Variants in GABRB1 observed in about 807,000 individuals in gnomAD.
The protein encoded by GABRB1 is gamma-aminobutyric acid receptor subunit beta-1.
In GABRB1, 17 loss-of-function variants were observed where a neutral mutation model predicts 51.6. The ratio of observed to expected loss-of-function variants is 0.33; its 90% CI spans 0.23 to 0.49. The LOEUF is 0.49. GABRB1 is among the 20% of genes least tolerant of loss of function. The probability of loss-of-function intolerance (pLI) is 0.99; values close to 1 mark genes in which losing one functional copy is unlikely to be tolerated. For missense variants in GABRB1, 410 were observed against 600.6 expected, an observed-to-expected ratio of 0.68 and a Z score of 3.32; for synonymous variants, 247 against 218.9, an observed-to-expected ratio of 1.13 and a Z score of -1.14.
intron 3 of GABRB1, among the ~76,000 whole-genome samples, chr4:47,068,739 T>A (rs986892923): frequency 1.3e-5 from 2 of 152,096 alleles, no homozygotes; most frequent in Non-Finnish European, 2.9e-5. Context: ...ACATAACAGA[T>A]ATAATAATCA....
rs1717945132 is a variant in GABRB1, at chr4:47,161,239, T to G, written c.241-10T>G. On this transcript the variant is annotated splice_polypyrimidine_tract_variant and intron_variant, in intron 3 of 8. Transcript: ENST00000295454. ...ATTCTTTTTTTTTTTTTGCTTTCTT[T>G]ATTTCACAGGATTATACACTCACCA... The G allele has an allele frequency of 6.5e-7, 1 of 1,542,130 alleles. No individual in the cohort carries two copies.
Position 47,131,397 on chromosome 4 carries a change from A to G in GABRB1, c.241-29852A>G, listed in dbSNP as rs149980111. The stretch of plus-strand genomic sequence containing the variant: ...GGTCTCGAACTCCTGACCTCAGATG[A>G]TCTGCCCGCCTCGGCCTCCCAAAGT... On this transcript the variant is annotated intron_variant, in intron 3 of 8. Transcript: ENST00000295454. Among the ~76,000 whole-genome samples the G allele has an allele frequency of 9.1e-3, 1,379 of 152,192 alleles. 45 individuals carry two copies. Among genetic ancestry groups the G allele is most frequent in the Admixed American group, 0.052 (788 of 15,288 alleles).
intron 5 of GABRB1, among the ~76,000 whole-genome samples, chr4:47,339,029 A>G (rs1658010622): frequency 6.6e-6 from 1 of 152,216 alleles, no homozygotes. Flanking sequence ...AAATCTATTT[A>G]TTCACCCACA....
intron 5 of GABRB1, among the ~76,000 whole-genome samples, chr4:47,358,259 C>G (rs1001063301): frequency 6.6e-6 from 1 of 151,704 alleles, no homozygotes; most frequent in Non-Finnish European, 1.5e-5. Context: ...GTAGAGTTCT[C>G]CATAGGAACA....
chr4:47,015,275 G>T lies in GABRB1; in HGVS notation c.-19-16639G>T, dbSNP rs146804137. Among the ~76,000 whole-genome samples, 5 of 152,264 alleles carry T rather than the reference G, an allele frequency of 3.3e-5. No homozygotes were observed. In the East Asian group the frequency reaches 9.6e-4, roughly 29 times the overall value. ...AGAAAAGGCAGAGATTTAAGAGGACGTATAATAATATAGAATAACAATATG... is the reference window on the plus strand; with the variant it reads ...AGAAAAGGCAGAGATTTAAGAGGACTTATAATAATATAGAATAACAATATG... On this transcript the variant is annotated intron_variant, in intron 1 of 3. Transcript: ENST00000513567.
At chr4:47,256,781 C>T (rs774814075) in intron 4 of GABRB1, among the ~76,000 whole-genome samples, 1 of 152,138 alleles carries the variant, frequency 6.6e-6, no homozygotes, top group Non-Finnish European at 1.5e-5. Context: ...GAAGTCCATA[C>T]CCATGATCTT....
At position 47,195,413 on chromosome 4, in the gene GABRB1, T is replaced by C. The variant is rs181883283; in HGVS notation, c.461+33944T>C. Among the ~76,000 whole-genome samples the C allele has an allele frequency of 9.8e-3, 1,028 of 105,168 alleles. 14 individuals are homozygous for C. The highest frequency in any genetic ancestry group is 0.037 in the African/African-American group (966 of 25,896). 69.0% of individuals were successfully genotyped at this position (105,168 alleles called of 152,430 possible). ...GATAGATGATAGATAGATAGATAGA[T>C]AGATAGATAGATAGATAGATAGATA... On this transcript the variant is annotated intron_variant, in intron 4 of 8. Transcript: ENST00000295454.
chr4:47,115,645 T>A (rs1224845382), intron 3 of GABRB1, among the ~76,000 whole-genome samples: 1 of 152,120 alleles, frequency 6.6e-6, no homozygotes. Flanking sequence ...GCTCTTCTGC[T>A]TTTTTAATAC....
intron 7 of GABRB1, among the ~76,000 whole-genome samples, chr4:47,404,851 A>C (rs2110053229): frequency 6.6e-6 from 1 of 152,344 alleles, no homozygotes; most frequent in Admixed American, 6.5e-5. Flanking sequence ...GCAGAGAATA[A>C]TAACTAGTAA....
intron 5 of GABRB1, among the ~76,000 whole-genome samples, chr4:47,391,270 T>C (rs1015177354): frequency 4.6e-5 from 7 of 152,172 alleles, no homozygotes; most frequent in African/African-American, 1.7e-4. Flanking sequence ...GCCTAATGGG[T>C]TTTAGTTAAA....
chr4:47,104,686 A>C (rs567994833), intron 3 of GABRB1, among the ~76,000 whole-genome samples: 1 of 151,826 alleles, frequency 6.6e-6, no homozygotes, highest in Non-Finnish European at 1.5e-5. Flanking sequence ...AAGTTTACTG[A>C]TTCTGTTTTT....
At chr4:47,423,267 T>G (rs1178513627) in intron 8 of GABRB1, among the ~76,000 whole-genome samples, 1 of 152,230 alleles carries the variant, frequency 6.6e-6, no homozygotes, top group Non-Finnish European at 1.5e-5. Flanking sequence ...TCAGGTTTTC[T>G]GGTAAAGGGG....
intron 5 of GABRB1, among the ~76,000 whole-genome samples, chr4:47,393,572 A>G (rs1419090329): frequency 6.6e-6 from 1 of 152,196 alleles, no homozygotes; most frequent in Admixed American, 6.5e-5. Context: ...GTTCATATGG[A>G]TTCAACTTTG....
At chr4:47,272,652 CCT>C (rs1722917741) in intron 4 of GABRB1, among the ~76,000 whole-genome samples, 1 of 151,970 alleles carries the variant, frequency 6.6e-6, no homozygotes, top group African/African-American at 2.4e-5. Context: ...TTTAGGTATT[CCT>C]CTGTCTCTTA....
chr4:47,130,375 G>GTGTGTGTGTA (rs1284041714), intron 3 of GABRB1, among the ~76,000 whole-genome samples: 11 of 83,118 alleles, frequency 1.3e-4, no homozygotes, highest in African/African-American at 4.6e-4. Context: ...GTGTGTGTGT[G>GTGTGTGTGTA]TGTGCTTTCT....
intron 3 of GABRB1, among the ~76,000 whole-genome samples, chr4:47,134,957 A>AAAAAT (rs1716576130): frequency 6.6e-6 from 1 of 152,110 alleles, no homozygotes; most frequent in African/African-American, 2.4e-5. Context: ...TCGCTACTTA[A>AAAAAT]AAAATAAAAT....
At chr4:47,018,533 G>A (rs908228745) in intron 1 of GABRB1, among the ~76,000 whole-genome samples, 1 of 152,058 alleles carries the variant, frequency 6.6e-6, no homozygotes, top group African/African-American at 2.4e-5. Context: ...TCACCCCCCA[G>A]GCAGTTGAAA....
At chr4:47,167,267 T>A (rs2109748061) in intron 4 of GABRB1, among the ~76,000 whole-genome samples, 1 of 152,244 alleles carries the variant, frequency 6.6e-6, no homozygotes, top group East Asian at 1.9e-4. Flanking sequence ...CCAAACATGG[T>A]CCAGATGGTT....
chr4:47,204,667 A>T (rs1720045478), intron 4 of GABRB1, among the ~76,000 whole-genome samples: 1 of 152,074 alleles, frequency 6.6e-6, no homozygotes, highest in African/African-American at 2.4e-5. Context: ...GTGAATGGGT[A>T]TCATGTGATC....
Sources: gnomAD v4.1 joint callset for allele counts (sites outside exome capture counted in the v4.1 genomes callset) on GRCh38, gnomAD v4.1.1 for gene constraint, MANE v1.5 for transcripts, NCBI Gene and HGNC (gene_info 2026-07-23, HGNC 2026-07-21) for gene names.